Variants in POLA1 observed in about 807,000 individuals in gnomAD.
POLA1 encodes DNA polymerase alpha 1, catalytic subunit.
In POLA1, 15 loss-of-function variants were observed where a neutral mutation model predicts 124.0. The ratio of observed to expected loss-of-function variants is 0.12; its 90% CI spans 0.08 to 0.19. POLA1 has a LOEUF of 0.19. POLA1 is among the 10% of genes least tolerant of loss of function. The pLI, the probability that POLA1 is intolerant of heterozygous loss-of-function variation, is 1.00. For missense variants in POLA1, 886 were observed against 1,103.4 expected (o/e 0.80, Z 2.79); for synonymous variants, 408 against 389.4 (o/e 1.05, Z -0.56).
intron 1 of POLA1, among the ~76,000 whole-genome samples, 197 bp from the exon 2 acceptor site, chrX:24,699,228 A>T (rs1057393444): frequency 8.9e-6 from 1 of 111,979 alleles, no homozygotes; most frequent in African/African-American, 3.2e-5. Context: ...TCTTGGAGGA[A>T]CTTTCTGGCG....
intron 36 of POLA1, among the ~76,000 whole-genome samples, chrX:24,976,069 T>C (rs932977254): frequency 1.8e-5 from 2 of 112,631 alleles, no homozygotes; most frequent in Non-Finnish European, 3.7e-5. Context: ...CCGACAAGTA[T>C]ATTTCAGTGT....
At chrX:24,807,019 C>T (rs1365052201) in intron 26 of POLA1, among the ~76,000 whole-genome samples, 2 of 111,895 alleles carry the variant, frequency 1.8e-5, no homozygotes, top group African/African-American at 6.5e-5. Flanking sequence ...AAGACATCCA[C>T]CAAAAGATTT....
chrX:24,837,719 A>T (rs2046360503), intron 32 of POLA1, among the ~76,000 whole-genome samples: 1 of 112,330 alleles, frequency 8.9e-6, no homozygotes, highest in Non-Finnish European at 1.9e-5. Flanking sequence ...TTTTACAAAA[A>T]AATTTCACTC....
intron 36 of POLA1, among the ~76,000 whole-genome samples, chrX:24,948,175 C>G (rs2047991460): frequency 8.9e-6 from 1 of 111,797 alleles, no homozygotes; most frequent in Non-Finnish European, 1.9e-5. Flanking sequence ...ATGTAGGTCA[C>G]AGATGTTTCA....
Position 24,972,699 on chromosome X carries a change from C to T in POLA1, c.4262-23106C>T, listed in dbSNP as rs181493642. Among the ~76,000 whole-genome samples, 17 of 112,230 alleles carry T rather than the reference C, an allele frequency of 1.5e-4. No homozygotes were observed. In the East Asian group the frequency reaches 4.2e-3, roughly 28 times the overall value. ...TGGGAGAGGTTTTCCATAGACCTGGCTGTCACAGGTTTGCAGAATACCCTG... is the reference window on the plus strand; with the variant it reads ...TGGGAGAGGTTTTCCATAGACCTGGTTGTCACAGGTTTGCAGAATACCCTG... On this transcript the variant is annotated intron_variant, in intron 36 of 36. Transcript: ENST00000379068.
At chrX:24,979,577 G>A (rs2048399609) in intron 36 of POLA1, among the ~76,000 whole-genome samples, 1 of 111,969 alleles carries the variant, frequency 8.9e-6, no homozygotes, top group African/African-American at 3.2e-5. Context: ...GGTTTGATTT[G>A]ACCCATGGTT....
At chrX:24,874,849 G>T (rs754725984) in intron 34 of POLA1, among the ~76,000 whole-genome samples, 1 of 111,592 alleles carries the variant, frequency 9.0e-6, no homozygotes, top group Non-Finnish European at 1.9e-5. Context: ...TGATTCCAGT[G>T]TGCCACCAGA....
Position 24,724,389 on chromosome X carries a change from GT to G in POLA1, c.1258del (p.Tyr420MetfsTer8). The G allele has an allele frequency of 2.6e-6, 3 of 1,140,258 alleles. No homozygotes were observed. The highest frequency in any genetic ancestry group is 3.6e-6 in the Non-Finnish European group (3 of 836,046). The allele number at this position is 1,140,258 out of a possible 1,213,427, so 94.0% of individuals were successfully genotyped here. A position where few individuals can be genotyped will look rare whatever the true frequency, so the allele number is the denominator to read the frequency against. ...AGGAACTCCAATTTCAATGAAGGAT[GT>G]TTATGAGGAATTTGATGAGAAAATA... ...ETGTPISMKD[V>X]YEEFDEKIAT... On this transcript the variant is annotated frameshift_variant, in exon 12 of 37. Coordinates refer to ENST00000379068, the MANE Select transcript of POLA1 (RefSeq NM_001330360.2). LOFTEE classifies it high-confidence loss of function.
chrX:24,762,183 C>T (rs1046388371), intron 26 of POLA1, among the ~76,000 whole-genome samples: 26 of 111,582 alleles, frequency 2.3e-4, no homozygotes, highest in Non-Finnish European at 1.5e-4. Context: ...ACTGTTGTTT[C>T]TCAGAACAAC....
At chrX:24,807,272 A>G (rs989367565) in intron 26 of POLA1, among the ~76,000 whole-genome samples, 1 of 112,329 alleles carries the variant, frequency 8.9e-6, no homozygotes, top group Non-Finnish European at 1.9e-5. Context: ...ACTGCTCCTC[A>G]GGTATTTTAT....
intron 27 of POLA1, among the ~76,000 whole-genome samples, chrX:24,810,374 A>G (rs41557121): frequency 1.8e-5 from 2 of 111,529 alleles, no homozygotes; most frequent in Non-Finnish European, 3.8e-5. Context: ...ACAGTGGATA[A>G]ATATAGACCC....
intron 19 of POLA1, among the ~76,000 whole-genome samples, chrX:24,738,219 CAAAAAAAAAAA>C (rs755084911): frequency 8.9e-5 from 1 of 11,239 alleles, no homozygotes; most frequent in Non-Finnish European, 2.5e-4. Flanking sequence ...GACTCCGTCT[CAAAAAAAAAAA>C]AAAAAAAAAA....
At chrX:24,779,369 G>A (rs1054417260) in intron 26 of POLA1, among the ~76,000 whole-genome samples, 3 of 112,314 alleles carry the variant, frequency 2.7e-5, no homozygotes, top group African/African-American at 9.7e-5. Context: ...GGGCCACCGC[G>A]CCCGGCCTAG....
intron 2 of POLA1, among the ~76,000 whole-genome samples, chrX:24,700,130 A>G (rs1238608877): frequency 9.3e-6 from 1 of 107,653 alleles, no homozygotes; most frequent in African/African-American, 3.4e-5. Flanking sequence ...CTTCCTGAGT[A>G]TCTTAATTGC....
chrX:24,834,101 G>A (rs1174105123), intron 32 of POLA1, among the ~76,000 whole-genome samples: 1 of 57,816 alleles, frequency 1.7e-5, no homozygotes, highest in Non-Finnish European at 3.0e-5. Context: ...GCAAGACCCT[G>A]TCTCAGAAAG....
chrX:24,941,999 C>CTA (rs2047913470), intron 36 of POLA1, among the ~76,000 whole-genome samples: 1 of 112,027 alleles, frequency 8.9e-6, no homozygotes, highest in South Asian at 3.7e-4. Flanking sequence ...CTCTCTGTCC[C>CTA]CTCTTCGTGC....
chrX:24,756,873 A>G (rs1398016070), intron 26 of POLA1, among the ~76,000 whole-genome samples: 1 of 111,482 alleles, frequency 9.0e-6, no homozygotes, highest in Non-Finnish European at 1.9e-5. Flanking sequence ...GGCAGTGCGA[A>G]GAATTTTCTT....
chrX:24,922,431 C>G (rs970722205), intron 35 of POLA1, among the ~76,000 whole-genome samples: 1 of 111,035 alleles, frequency 9.0e-6, no homozygotes, highest in African/African-American at 3.3e-5. Flanking sequence ...ATCTATGAAA[C>G]AGATAAATAT....
intron 15 of POLA1, 75 bp downstream of exon 15, chrX:24,728,011 A>G: frequency 2.4e-6 from 2 of 835,629 alleles, no homozygotes; most frequent in Non-Finnish European, 3.4e-6. Context: ...GCTTTGCTTT[A>G]AGAGAAAGTT....
Sources: gnomAD v4.1 joint callset for allele counts (sites outside exome capture counted in the v4.1 genomes callset) on GRCh38, gnomAD v4.1.1 for gene constraint, MANE v1.5 for transcripts, NCBI Gene and HGNC (gene_info 2026-07-23, HGNC 2026-07-21) for gene names.